The following ARHGAP20 variants were observed in gnomAD, a reference collection of about 807,000 sequenced individuals.
ARHGAP20 encodes the protein rho GTPase-activating protein 20.
ARHGAP20 carries 34 observed loss-of-function variants against 73.7 expected under a neutral mutation model. The observed-to-expected ratio is 0.46, with a 90% CI of 0.35 to 0.61. ARHGAP20 has a LOEUF of 0.61. ARHGAP20 is among the 20% of genes least tolerant of loss of function. The probability of loss-of-function intolerance (pLI) is 0.00; values close to 1 mark genes in which losing one functional copy is unlikely to be tolerated. For synonymous variants in ARHGAP20, 523 were observed against 518.2 expected (o/e 1.01, Z -0.13); for missense variants, 1,314 against 1,420.9 (o/e 0.92, Z 1.21).
At chr11:110,689,017 G>A (rs61902301) in intron 2 of ARHGAP20, among the ~76,000 whole-genome samples, 1 of 113,136 alleles carries the variant, frequency 8.8e-6, no homozygotes, top group African/African-American at 3.4e-5. Context: ...TTTTTTTTTG[G>A]AGATGGAGTC....
At chr11:110,643,525 C>A (rs1487961432) in intron 2 of ARHGAP20, among the ~76,000 whole-genome samples, 1 of 152,050 alleles carries the variant, frequency 6.6e-6, no homozygotes, top group Non-Finnish European at 1.5e-5. Context: ...CGTTGTTTAA[C>A]CAAAAGTCCT....
upstream of ARHGAP20, chr11:110,712,669 C>T (rs1950697714): frequency 6.6e-6 from 1 of 152,628 alleles, no homozygotes; most frequent in Non-Finnish European, 1.5e-5. Flanking sequence ...GGGTGCAGCC[C>T]GCAGGAGCTC....
At chr11:110,711,651 T>G in intron 1 of ARHGAP20, 1 of 1,473,364 alleles carries the variant, frequency 6.8e-7, no homozygotes, top group Non-Finnish European at 8.9e-7. Flanking sequence ...GCAGCCCCGC[T>G]GCCTACCTTC....
chr11:110,617,893 T>C (rs750366824), intron 4 of ARHGAP20, among the ~76,000 whole-genome samples: 1 of 152,114 alleles, frequency 6.6e-6, no homozygotes, highest in Admixed American at 6.5e-5. Flanking sequence ...AAAAAGGGCA[T>C]GGCAGATTAG....
chr11:110,675,574 A>C (rs1216955360), intron 2 of ARHGAP20, among the ~76,000 whole-genome samples: 1 of 152,106 alleles, frequency 6.6e-6, no homozygotes, highest in African/African-American at 2.4e-5. Flanking sequence ...GATTCCCATA[A>C]GGTGCACACA....
At chr11:110,672,452 C>T (rs1008478083) in intron 2 of ARHGAP20, among the ~76,000 whole-genome samples, 1 of 151,934 alleles carries the variant, frequency 6.6e-6, no homozygotes, top group Admixed American at 6.6e-5. Context: ...AGGGATGGCA[C>T]CATACACCCA....
At position 110,624,337 on chromosome 11, in the gene ARHGAP20, C is replaced by T. The variant is rs771851486; in HGVS notation, c.354-26G>A. 3 of 1,493,990 alleles carry T rather than the reference C, an allele frequency of 2.0e-6. No individual in the cohort carries two copies. In the Admixed American group the frequency reaches 7.2e-5, roughly 36 times the overall value. 92.5% of individuals were successfully genotyped at this position (1,493,990 alleles called of 1,614,324 possible). ...CTAGAAAGATAAAAACCAAACAGAACCTTTTGTTATTTTGTTTCTTAAATT... is the reference window on the plus strand; with the variant it reads ...CTAGAAAGATAAAAACCAAACAGAATCTTTTGTTATTTTGTTTCTTAAATT... On this transcript the variant is annotated intron_variant, in intron 3 of 14. Coordinates refer to ENST00000683387, the MANE Select transcript of ARHGAP20 (RefSeq NM_001384657.1).
intron 4 of ARHGAP20, among the ~76,000 whole-genome samples, chr11:110,619,653 A>T (rs1948582432): frequency 6.6e-6 from 1 of 151,948 alleles, no homozygotes; most frequent in Non-Finnish European, 1.5e-5. Context: ...GATAGAGTAT[A>T]TGTAGTGATA....
intron 8 of ARHGAP20, 68 bp downstream of exon 8, chr11:110,608,916 T>G: frequency 7.4e-7 from 1 of 1,355,954 alleles, no homozygotes; most frequent in Admixed American, 1.8e-5. Flanking sequence ...TATGACCAAT[T>G]CTCGGAGACA....
At chr11:110,701,834 T>C (rs1950459352) in intron 1 of ARHGAP20, among the ~76,000 whole-genome samples, 1 of 152,016 alleles carries the variant, frequency 6.6e-6, no homozygotes, top group African/African-American at 2.4e-5. Context: ...ATTTATTAAA[T>C]AGGGAATCCT....
At chr11:110,713,006 G>C (rs1252295481), upstream of ARHGAP20, 1 of 152,306 alleles carries the variant, frequency 6.6e-6, no homozygotes, top group East Asian at 1.9e-4. Flanking sequence ...ACGCTAGCCT[G>C]TTCGGGTAAC....
intron 6 of ARHGAP20, 80 bp downstream of exon 6, chr11:110,614,481 C>CTGCT (rs1948439966): frequency 1.5e-6 from 2 of 1,320,528 alleles, no homozygotes; most frequent in Admixed American, 1.9e-5. Flanking sequence ...GCCTGCCTGC[C>CTGCT]TGCTCTCTCT....
At chr11:110,599,497 C>T (rs534557274) in intron 9 of ARHGAP20, among the ~76,000 whole-genome samples, 24 of 152,136 alleles carry the variant, frequency 1.6e-4, no homozygotes, top group African/African-American at 2.7e-4. Flanking sequence ...ATAGCCTGGG[C>T]GCCATGAACA....
At chr11:110,619,636 A>T (rs1464195472) in intron 4 of ARHGAP20, among the ~76,000 whole-genome samples, 1 of 152,048 alleles carries the variant, frequency 6.6e-6, no homozygotes, top group African/African-American at 2.4e-5. Flanking sequence ...GATAGAGTAT[A>T]TGCAGTGATA....
chr11:110,637,537 C>T (rs911585534), intron 2 of ARHGAP20, among the ~76,000 whole-genome samples: 3 of 152,074 alleles, frequency 2.0e-5, no homozygotes, highest in African/African-American at 7.2e-5. Context: ...TAAATATTCT[C>T]ATTCAACATT....
Position 110,712,372 on chromosome 11 carries a change from C to T in ARHGAP20, c.-141G>A. On this transcript the variant is annotated 5_prime_UTR_variant, in exon 1 of 15. Coordinates refer to ENST00000683387, the MANE Select transcript of ARHGAP20 (RefSeq NM_001384657.1). ...AGGGAGCCGAGCTCCGGGTGCTCGCCGCGCGCCTCCCGTCGGGGCCATGTA... is the reference window on the plus strand; with the variant it reads ...AGGGAGCCGAGCTCCGGGTGCTCGCTGCGCGCCTCCCGTCGGGGCCATGTA... The T allele has an allele frequency of 1.8e-6, 1 of 557,060 alleles. No individual in the cohort carries two copies. The highest frequency in any genetic ancestry group is 2.7e-6 in the Non-Finnish European group (1 of 370,314). The allele number at this position is 557,060 out of a possible 1,614,324, so 34.5% of individuals were successfully genotyped here.
chr11:110,707,533 T>C (rs1950571198), intron 1 of ARHGAP20, among the ~76,000 whole-genome samples: 1 of 152,172 alleles, frequency 6.6e-6, no homozygotes, highest in South Asian at 2.1e-4. Flanking sequence ...TGAAATCCTC[T>C]GACTAGTGAG....
chr11:110,683,435 A>G (rs1012911218), intron 2 of ARHGAP20, among the ~76,000 whole-genome samples: 3 of 152,200 alleles, frequency 2.0e-5, no homozygotes, highest in Non-Finnish European at 4.4e-5. Context: ...GAAGTCAGGA[A>G]AGTCAGAAAC....
intron 2 of ARHGAP20, among the ~76,000 whole-genome samples, chr11:110,688,177 T>A (rs1950173400): frequency 6.6e-6 from 1 of 152,168 alleles, no homozygotes; most frequent in Admixed American, 6.5e-5. Context: ...GTGCTTTCCA[T>A]GATGCCTAGT....
Sources: allele counts gnomAD v4.1 joint callset (sites outside exome capture counted in the v4.1 genomes callset), GRCh38; gene constraint gnomAD v4.1.1; transcripts MANE v1.5; gene names NCBI Gene and HGNC (gene_info 2026-07-23, HGNC 2026-07-21).